Variants in NRXN1 observed in about 807,000 individuals in gnomAD.
NRXN1 encodes neurexin 1, also known as neurexin-1.
Under a neutral mutation model 150.9 loss-of-function variants are expected in NRXN1, and 39 were observed. That is an observed-to-expected ratio of 0.26 (90% CI 0.20 to 0.34). NRXN1 has a LOEUF of 0.34. Among genes scored for constraint, NRXN1 ranks in the 10% least tolerant of loss-of-function variants. The pLI is 1.00. For synonymous variants in NRXN1, 924 were observed against 757.0 expected (o/e 1.22, Z -3.62); for missense variants, 1,815 against 1,949.9 (o/e 0.93, Z 1.30).
In NRXN1 at chr2:50,711,587, C is replaced by A. The variant is rs1180750477; in HGVS notation, c.833-87972G>T. ...CTGACCTCAGATGATCCAGTCACCTCGGCCTCCCAAAGTGCTGGGATTACA... is the reference window on the plus strand; with the variant it reads ...CTGACCTCAGATGATCCAGTCACCTAGGCCTCCCAAAGTGCTGGGATTACA... On this transcript the variant is annotated intron_variant, in intron 5 of 22. Transcript: ENST00000401669. Among the ~76,000 whole-genome samples the A allele has an allele frequency of 2.0e-5, 3 of 152,016 alleles. No individual in the cohort carries two copies. In the East Asian group the frequency reaches 5.8e-4, roughly 30 times the overall value.
At chr2:50,171,835 T>G (rs1457927533) in intron 18 of NRXN1, among the ~76,000 whole-genome samples, 1 of 152,184 alleles carries the variant, frequency 6.6e-6, no homozygotes. Flanking sequence ...CGACCACTGG[T>G]GCCCTCCAGC....
chr2:50,041,869 C>T (rs1180308069), intron 21 of NRXN1, among the ~76,000 whole-genome samples: 1 of 152,082 alleles, frequency 6.6e-6, no homozygotes, highest in African/African-American at 2.4e-5. Flanking sequence ...TCTAGTAAAC[C>T]TCTGGAACAG....
chr2:50,055,162 A>G lies in NRXN1; in HGVS notation c.3719-118T>C, dbSNP rs371335883. The G allele has an allele frequency of 1.1e-5, 7 of 639,592 alleles. 1 individual carries two copies. Among genetic ancestry groups the G allele is most frequent in the South Asian group, 4.2e-5 (2 of 47,838 alleles). The allele number at this position is 639,592 out of a possible 1,614,324, so 39.6% of individuals were successfully genotyped here. Reference sequence around the variant, plus strand: ...ATGATTTTTTGAAATTTGGAATTTTAAAAAGTTCTACCTAGAACATTTCAT... The same window carrying G: ...ATGATTTTTTGAAATTTGGAATTTTGAAAAGTTCTACCTAGAACATTTCAT... On this transcript the variant is annotated intron_variant, in intron 19 of 22. Transcript: ENST00000401669.
chr2:50,734,692 C>G (rs1698500367), intron 5 of NRXN1, among the ~76,000 whole-genome samples: 2 of 151,266 alleles, frequency 1.3e-5, no homozygotes, highest in African/African-American at 4.9e-5. Context: ...ACCTATGTAC[C>G]TTAAAACATT....
intron 8 of NRXN1, among the ~76,000 whole-genome samples, chr2:50,560,424 G>GTTTATTTATTTATTTA (rs376853823): frequency 2.2e-5 from 2 of 89,480 alleles, no homozygotes; most frequent in Admixed American, 1.0e-4. Context: ...TCTGATGTAT[G>GTTTATTTATTTATTTA]TTTATTTATT....
At chr2:49,925,890 A>C (rs1377730821) in intron 22 of NRXN1, among the ~76,000 whole-genome samples, 1 of 152,254 alleles carries the variant, frequency 6.6e-6, no homozygotes, top group Non-Finnish European at 1.5e-5. Flanking sequence ...AATGGCATAC[A>C]CACAAATAAG....
intron 5 of NRXN1, among the ~76,000 whole-genome samples, chr2:50,680,483 G>A (rs529911852): frequency 2.6e-5 from 4 of 152,118 alleles, no homozygotes; most frequent in African/African-American, 9.6e-5. Flanking sequence ...GTAAAATACA[G>A]TTAAAGAGCA....
At chr2:50,770,330 A>T (rs961704178) in intron 5 of NRXN1, among the ~76,000 whole-genome samples, 2 of 145,806 alleles carry the variant, frequency 1.4e-5, no homozygotes, top group South Asian at 2.1e-4. Flanking sequence ...TTTATATTTT[A>T]TATATATATA....
chr2:50,574,824 C>G (rs994382532), intron 8 of NRXN1, among the ~76,000 whole-genome samples: 2 of 152,148 alleles, frequency 1.3e-5, no homozygotes, highest in African/African-American at 4.8e-5. Flanking sequence ...TGTGCGGCAC[C>G]CTTGCCTTGC....
chr2:50,785,243 CTTT>C (rs35158893), intron 5 of NRXN1, among the ~76,000 whole-genome samples: 4 of 106,064 alleles, frequency 3.8e-5, no homozygotes, highest in East Asian at 2.7e-4. Context: ...AGAAAATACA[CTTT>C]TTTTTTTTTT....
chr2:50,812,800 C>CAA (rs776852334), intron 5 of NRXN1, among the ~76,000 whole-genome samples: 22 of 106,658 alleles, frequency 2.1e-4, no homozygotes, highest in South Asian at 5.8e-4. Flanking sequence ...AAAGAGAAAG[C>CAA]AAAAAAAAAA....
chr2:50,499,650 G>A (rs2091838900), intron 13 of NRXN1, among the ~76,000 whole-genome samples: 1 of 152,100 alleles, frequency 6.6e-6, no homozygotes, highest in African/African-American at 2.4e-5. Context: ...TGAAGAATAT[G>A]AGAAGCTTAA....
intron 18 of NRXN1, among the ~76,000 whole-genome samples, chr2:50,161,589 A>T (rs2059368395): frequency 6.6e-6 from 1 of 152,258 alleles, no homozygotes; most frequent in Non-Finnish European, 1.5e-5. Context: ...TCAGACACAG[A>T]TAGTTCCCTT....
chr2:50,499,741 A>C (rs1256442294), intron 13 of NRXN1, among the ~76,000 whole-genome samples: 2 of 152,034 alleles, frequency 1.3e-5, no homozygotes, highest in South Asian at 2.1e-4. Flanking sequence ...TGAGGTCAGG[A>C]GTTTGAGACC....
In NRXN1 at chr2:50,602,583, T is replaced by TTTCC. The variant is rs565969265; in HGVS notation, c.1320+17435_1320+17438dup. 2.8e-3 allele frequency among the ~76,000 whole-genome samples: 427 copies of TTTCC among 151,916 alleles called. 2 individuals carry two copies. In the East Asian group the frequency reaches 0.029, roughly 10 times the overall value. On this transcript the variant is annotated intron_variant, in intron 8 of 22. Transcript: ENST00000401669. ...AAGAAAGATGATTATCAAAAGGAAGTTTCCTTCCTTCCTTCCTTCCTTTTT... is the reference window on the plus strand; with the variant it reads ...AAGAAAGATGATTATCAAAAGGAAGTTTCCTTCCTTCCTTCCTTCCTTCCTTTTT...
At chr2:50,931,263 A>G (rs991282342) in intron 2 of NRXN1, among the ~76,000 whole-genome samples, 3 of 152,104 alleles carry the variant, frequency 2.0e-5, no homozygotes, top group African/African-American at 7.2e-5. Flanking sequence ...TTTTTCAACT[A>G]AATATTAAAA....
chr2:50,943,707 A>G (rs1689860093), intron 2 of NRXN1, among the ~76,000 whole-genome samples: 1 of 152,208 alleles, frequency 6.6e-6, no homozygotes, highest in South Asian at 2.1e-4. Context: ...TAGCTCTGGT[A>G]AAAATAAAAG....
intron 2 of NRXN1, among the ~76,000 whole-genome samples, chr2:50,943,095 GCTCT>G (rs746976726): frequency 2.0e-5 from 3 of 150,270 alleles, no homozygotes; most frequent in Admixed American, 1.3e-4. Flanking sequence ...TCTCCTTTGT[GCTCT>G]CTCTCTCTCT....
chr2:50,731,433 A>G (rs1341385160), intron 5 of NRXN1, among the ~76,000 whole-genome samples: 2 of 152,218 alleles, frequency 1.3e-5, no homozygotes, highest in Admixed American at 6.5e-5. Flanking sequence ...ACATCTTGGT[A>G]AACAGAGATT....
Sources: gnomAD v4.1 joint callset for allele counts (sites outside exome capture counted in the v4.1 genomes callset) on GRCh38, gnomAD v4.1.1 for gene constraint, MANE v1.5 for transcripts, NCBI Gene and HGNC (gene_info 2026-07-23, HGNC 2026-07-21) for gene names.